The following PCDHGC3 variants were observed in gnomAD, a reference collection of about 807,000 sequenced individuals.
PCDHGC3 encodes protocadherin gamma subfamily C, 3, also known as protocadherin gamma-C3.
A neutral mutation model predicts 59.2 loss-of-function variants in PCDHGC3; 26 were observed. That is an observed-to-expected ratio of 0.44 (90% CI 0.32 to 0.61). PCDHGC3 has a LOEUF of 0.61. PCDHGC3 is among the 20% of genes least tolerant of loss of function. The probability of loss-of-function intolerance (pLI) is 0.05; values close to 1 mark genes in which losing one functional copy is unlikely to be tolerated. For missense variants in PCDHGC3, 1,080 were observed against 1,221.8 expected, an observed-to-expected ratio of 0.88 and a Z score of 1.73; for synonymous variants, 487 against 519.7, an observed-to-expected ratio of 0.94 and a Z score of 0.86.
intron 2 of PCDHGC3, among the ~76,000 whole-genome samples, chr5:141,497,393 CT>C (rs1035907100): frequency 2.1e-4 from 32 of 152,254 alleles, no homozygotes; most frequent in African/African-American, 7.5e-4. Context: ...CACCTTACCC[CT>C]GCCTCAACTC....
chr5:141,509,144 G>A (rs969990007), intron 3 of PCDHGC3, among the ~76,000 whole-genome samples: 1 of 152,114 alleles, frequency 6.6e-6, no homozygotes, highest in African/African-American at 2.4e-5. Context: ...GGCGCATCCC[G>A]GCTCTCCCCT....
At chr5:141,510,062 G>GA (rs1448334820) in intron 3 of PCDHGC3, among the ~76,000 whole-genome samples, 1 of 152,150 alleles carries the variant, frequency 6.6e-6, no homozygotes. Flanking sequence ...TTGTGCATGT[G>GA]AAGCATCCAG....
intron 1 of PCDHGC3, among the ~76,000 whole-genome samples, chr5:141,482,412 T>C (rs2099559037): frequency 6.6e-6 from 1 of 151,636 alleles, no homozygotes; most frequent in Non-Finnish European, 1.5e-5. Context: ...TAACTATTTG[T>C]TGAACTAAAA....
Position 141,491,987 on chromosome 5 carries a change from T to A in PCDHGC3, c.2431-2820T>A. The A allele has an allele frequency of 1.4e-6, 1 of 736,922 alleles. No individual in the cohort carries two copies. The highest frequency in any genetic ancestry group is 2.0e-6 in the Non-Finnish European group (1 of 490,378). The allele number at this position is 736,922 out of a possible 1,614,324, so 45.6% of individuals were successfully genotyped here. On this transcript the variant is annotated intron_variant, in intron 1 of 3. Coordinates refer to ENST00000308177, the MANE Select transcript of PCDHGC3 (RefSeq NM_002588.4). The surrounding 1 kb of genome is among the most constrained non-coding windows in gnomAD (Gnocchi z 6.9). ...GCCGGGGCCTCCTTCGAGCTTCCGG[T>A]GAATTTCGGGCGATTTCCGCGGGTG...
chr5:141,493,250 C>T lies in PCDHGC3; in HGVS notation c.2431-1557C>T, dbSNP rs1330348553. On this transcript the variant is annotated intron_variant, in intron 1 of 3. Coordinates refer to ENST00000308177, the MANE Select transcript of PCDHGC3 (RefSeq NM_002588.4). The surrounding 1 kb of genome is among the most constrained non-coding windows in gnomAD (Gnocchi z 4.3). ...TGCTGTTGGCTAGGTACTAACATGC[C>T]TCTCTTATAACAGCTTCACAGAGGT... Among the ~76,000 whole-genome samples the T allele has an allele frequency of 1.3e-5, 2 of 152,154 alleles. No homozygotes were observed. Among genetic ancestry groups the T allele is most frequent in the Non-Finnish European group, 2.9e-5 (2 of 68,024 alleles).
In PCDHGC3 at chr5:141,485,111, G is replaced by C. The variant is rs2099607127; in HGVS notation, c.2430+6565G>C. On this transcript the variant is annotated intron_variant, in intron 1 of 3. Coordinates refer to ENST00000308177, the MANE Select transcript of PCDHGC3 (RefSeq NM_002588.4). The surrounding 1 kb of genome is among the most constrained non-coding windows in gnomAD (Gnocchi z 5.7). The stretch of plus-strand genomic sequence containing the variant: ...ATAGGTGTCTCCAGCTGCTGTGGCT[G>C]TTTGGGGCGGGTCGGCTTCATCCGC... 5.4e-6 allele frequency: 7 copies of C among 1,287,562 alleles called. No individual in the cohort carries two copies. The highest frequency in any genetic ancestry group is 7.8e-6 in the Non-Finnish European group (7 of 899,436). 79.8% of individuals were successfully genotyped at this position (1,287,562 alleles called of 1,614,324 possible). A position where few individuals can be genotyped will look rare whatever the true frequency, so the allele number is the denominator to read the frequency against.
chr5:141,502,750 A>G (rs974131144), intron 2 of PCDHGC3, among the ~76,000 whole-genome samples: 3 of 151,928 alleles, frequency 2.0e-5, no homozygotes, highest in Non-Finnish European at 4.4e-5. Context: ...TTCCTTCTAC[A>G]TGTATTTGCT....
Position 141,486,650 on chromosome 5 carries a change from T to C in PCDHGC3, c.2430+8104T>C, listed in dbSNP as rs1321605826. On this transcript the variant is annotated intron_variant, in intron 1 of 3. Coordinates refer to ENST00000308177, the MANE Select transcript of PCDHGC3 (RefSeq NM_002588.4). The surrounding 1 kb of genome is among the most constrained non-coding windows in gnomAD (Gnocchi z 5.0). ...TGGCTTGAATGCGCTTATCTCCTAC[T>C]CACTCCTGGAGCCCAGGAATCGAGA... is the stretch of plus-strand genomic sequence containing the variant. The C allele has an allele frequency of 6.2e-7, 1 of 1,613,834 alleles. No individual in the cohort carries two copies. Among genetic ancestry groups the C allele is most frequent in the African/African-American group, 1.3e-5 (1 of 74,938 alleles).
At position 141,511,106 on chromosome 5, in the gene PCDHGC3, G is replaced by T. The variant is rs536900646; in HGVS notation, c.2738G>T (p.Arg913Leu). ...NATLTNAAGK[R>L]DGKAPAGGNG... is the part of the protein sequence containing the mutation. Reference sequence around the variant, plus strand: ...ACACTGACCAACGCAGCTGGCAAGCGGGATGGCAAGGCCCCAGCAGGTGGC... The same window carrying T: ...ACACTGACCAACGCAGCTGGCAAGCTGGATGGCAAGGCCCCAGCAGGTGGC... Residue 913 changes from arginine to leucine, a missense_variant, in exon 4 of 4, where the codon CGG becomes CTG. Transcript: ENST00000308177. 8.7e-6 allele frequency: 14 copies of T among 1,614,196 alleles called. No individual in the cohort carries two copies. Among genetic ancestry groups the T allele is most frequent in the Non-Finnish European group, 1.2e-5 (14 of 1,180,016 alleles).
rs750233767 is a variant in PCDHGC3 at position 141,490,877 on chromosome 5, C to A, written c.2431-3930C>A. 1 of 1,613,880 alleles carries A rather than the reference C, an allele frequency of 6.2e-7. No individual in the cohort carries two copies. Among genetic ancestry groups the A allele is most frequent in the Non-Finnish European group, 8.5e-7 (1 of 1,179,900 alleles). On this transcript the variant is annotated intron_variant, in intron 1 of 3. Coordinates refer to ENST00000308177, the MANE Select transcript of PCDHGC3 (RefSeq NM_002588.4). This position sits in a 1 kb window ranked among gnomAD's most constrained non-coding sequence, Gnocchi z 5.4. Reference sequence around the variant, plus strand: ...GACTCCGGCTCTCCCCCATTGCATGCCAACACATCTCTGCATGTGTTTGTC... The same window carrying A: ...GACTCCGGCTCTCCCCCATTGCATGACAACACATCTCTGCATGTGTTTGTC...
chr5:141,500,184 T>TTTTATTTATTTATTTATTTA (rs58019021), intron 2 of PCDHGC3, among the ~76,000 whole-genome samples: 1 of 135,886 alleles, frequency 7.4e-6, no homozygotes, highest in African/African-American at 2.7e-5. Flanking sequence ...TCATTTTTAT[T>TTTTATTTATTTATTTATTTA]TTTATTTATT....
chr5:141,477,878 C>T lies in PCDHGC3; in HGVS notation c.1762C>T (p.His588Tyr). The change falls in exon 1 of 4, where the codon CAC (histidine) becomes TAC (tyrosine). Residue 588 changes from histidine (H) to tyrosine (Y), a missense_variant. Coordinates refer to ENST00000308177, the MANE Select transcript of PCDHGC3 (RefSeq NM_002588.4). The surrounding 1 kb of genome is among the most constrained non-coding windows in gnomAD (Gnocchi z 4.9). ...GCTGCCTCGAGGTACCTCAGCTGGC[C>T]ACCTAGTGTCACGGGTGGTAGGCTG... ...EMLPRGTSAG[H>Y]LVSRVVGWDA... 2.5e-6 allele frequency: 4 copies of T among 1,614,158 alleles called. No individual in the cohort carries two copies. Among genetic ancestry groups the T allele is most frequent in the Non-Finnish European group, 3.4e-6 (4 of 1,180,008 alleles).
At position 141,510,973 on chromosome 5, in the gene PCDHGC3, G is replaced by A. The variant is rs1448442252; in HGVS notation, c.2605G>A (p.Gly869Arg). 2 of 1,614,042 alleles carry A rather than the reference G, an allele frequency of 1.2e-6. No individual in the cohort carries two copies. Among genetic ancestry groups the A allele is most frequent in the East Asian group, 2.2e-5 (1 of 44,894 alleles). ...AGCTGCTGATGGGAGCTCCACCCTG[G>A]GAGGGGGTGCCGGCACCATGGGATT... ...SEAADGSSTL[G>R]GGAGTMGLSA... Residue 869 changes from glycine (G) to arginine (R), a missense_variant, in exon 4 of 4, where the codon GGA (glycine) becomes AGA (arginine). Gly to Arg is a moderately radical substitution (Grantham distance 125). Transcript: ENST00000308177.
At position 141,476,311 on chromosome 5, in the gene PCDHGC3, G is replaced by C. The variant is rs772962568; in HGVS notation, c.195G>C (p.Arg65Ser). ...ATCTCGGTAGCCTCTCAGCCCGCAGGTTCCGGGTGGTGTCTGGAGCTAGCC... is the reference window on the plus strand; with the variant it reads ...ATCTCGGTAGCCTCTCAGCCCGCAGCTTCCGGGTGGTGTCTGGAGCTAGCC... ...GLDLGSLSAR[R>S]FRVVSGASRR... Residue 65 changes from arginine (R) to serine (S), a missense_variant, in exon 1 of 4, where the codon AGG (arginine) becomes AGC (serine). Transcript: ENST00000308177. The surrounding 1 kb of genome is among the most constrained non-coding windows in gnomAD (Gnocchi z 7.6). 18 of 1,613,680 alleles carry C rather than the reference G, an allele frequency of 1.1e-5. No homozygotes were observed. Among genetic ancestry groups the C allele is most frequent in the African/African-American group, 2.7e-5 (2 of 74,766 alleles).
intron 2 of PCDHGC3, among the ~76,000 whole-genome samples, chr5:141,502,496 C>T (rs934563545): frequency 2.0e-5 from 3 of 152,178 alleles, no homozygotes; most frequent in Admixed American, 6.5e-5. Context: ...ACTCATCTAA[C>T]GTCGGCCTGT....
rs1345224043 is a variant in PCDHGC3, at chr5:141,487,695, C to G, written c.2431-7112C>G. Reference sequence around the variant, plus strand: ...TGGCTAGGCCATGTCCTAGAGAGTACTGGCCTCTCAGTAAGTGCCCATAGT... The same window carrying G: ...TGGCTAGGCCATGTCCTAGAGAGTAGTGGCCTCTCAGTAAGTGCCCATAGT... On this transcript the variant is annotated intron_variant, in intron 1 of 3. Transcript: ENST00000308177. The surrounding 1 kb of genome is among the most constrained non-coding windows in gnomAD (Gnocchi z 5.0). 1 of 1,601,306 alleles carries G rather than the reference C, an allele frequency of 6.2e-7. No individual in the cohort carries two copies.
rs1215626157 is a variant in PCDHGC3, at chr5:141,487,804, GT to G, written c.2431-7000del. ...TCGTGAATTAACCAGAGTTGTCACAGTTTAGCATTGGGGGCGGGTCATGCCT... is the reference window on the plus strand; with the variant it reads ...TCGTGAATTAACCAGAGTTGTCACAGTTAGCATTGGGGGCGGGTCATGCCT... On this transcript the variant is annotated intron_variant, in intron 1 of 3. Transcript: ENST00000308177. The surrounding 1 kb of genome is among the most constrained non-coding windows in gnomAD (Gnocchi z 5.0). 15 of 1,451,846 alleles carry G rather than the reference GT, an allele frequency of 1.0e-5. No homozygotes were observed. The highest frequency in any genetic ancestry group is 1.3e-5 in the Non-Finnish European group (14 of 1,072,382). 89.9% of individuals were successfully genotyped at this position (1,451,846 alleles called of 1,614,324 possible).
In PCDHGC3 at chr5:141,476,824, C is replaced by A; in HGVS notation, c.708C>A (p.Asp236Glu). Residue 236 changes from aspartate to glutamate, a missense_variant, in exon 1 of 4, where the codon GAC (aspartate) becomes GAA (glutamate). Asp to Glu is a conservative substitution (Grantham distance 45). Coordinates refer to ENST00000308177, the MANE Select transcript of PCDHGC3 (RefSeq NM_002588.4). This position sits in a 1 kb window ranked among gnomAD's most constrained non-coding sequence, Gnocchi z 7.6. Reference sequence around the variant, plus strand: ...TGCCTATTCACATCAAGGTGCTGGACGCGAATGACAATGCGCCTGTCTTCA... The same window carrying A: ...TGCCTATTCACATCAAGGTGCTGGAAGCGAATGACAATGCGCCTGTCTTCA... ...ASLPIHIKVL[D>E]ANDNAPVFNQ... The A allele has an allele frequency of 1.2e-6, 2 of 1,613,588 alleles. No individual in the cohort carries two copies. The highest frequency in any genetic ancestry group is 1.7e-6 in the Non-Finnish European group (2 of 1,180,036).
rs1333951046 is a variant in PCDHGC3, at chr5:141,485,847, C to T, written c.2430+7301C>T. 10 of 1,614,092 alleles carry T rather than the reference C, an allele frequency of 6.2e-6. No individual in the cohort carries two copies. In the African/African-American group the frequency reaches 8.0e-5, roughly 13 times the overall value. On this transcript the variant is annotated intron_variant, in intron 1 of 3. Transcript: ENST00000308177. This position sits in a 1 kb window ranked among gnomAD's most constrained non-coding sequence, Gnocchi z 5.7. ...GGAGGGAACCCGCCGAGATCTGGCA[C>T]CGCAGAGCTCCGGGTATCCGTGCTG...
Sources: allele counts gnomAD v4.1 joint callset (sites outside exome capture counted in the v4.1 genomes callset), GRCh38; gene constraint gnomAD v4.1.1; non-coding constraint Gnocchi (gnomAD v3.1); transcripts MANE v1.5; gene names NCBI Gene and HGNC (gene_info 2026-07-23, HGNC 2026-07-21).